SETD2: variants seen among roughly 807,000 people sequenced by gnomAD.
The protein encoded by SETD2 is SET domain containing 2, histone lysine methyltransferase.
Under a neutral mutation model 242.1 loss-of-function variants are expected in SETD2, and 31 were observed. The observed-to-expected ratio is 0.13, with a 90% CI of 0.10 to 0.17. The LOEUF is 0.17. Ranked by LOEUF, SETD2 falls within the 10% of genes least tolerant of loss-of-function variation. The pLI is 1.00. For missense variants in SETD2, 2,481 were observed against 3,046.3 expected (o/e 0.81, Z 4.37); for synonymous variants, 1,006 against 1,066.5 (o/e 0.94, Z 1.11).
At chr3:47,149,481 C>T (rs1390245083) in intron 1 of SETD2, among the ~76,000 whole-genome samples, 1 of 152,128 alleles carries the variant, frequency 6.6e-6, no homozygotes, top group Non-Finnish European at 1.5e-5. Flanking sequence ...TAGCACTCAG[C>T]AATTTACACT....
At chr3:47,098,992 C>A (rs941210518) in intron 8 of SETD2, among the ~76,000 whole-genome samples, 3 of 152,142 alleles carry the variant, frequency 2.0e-5, no homozygotes. Flanking sequence ...GAGCCCGACA[C>A]AGAACCTGGT....
chr3:47,111,626 T>C (rs934510070), intron 5 of SETD2, among the ~76,000 whole-genome samples: 64 of 151,960 alleles, frequency 4.2e-4, no homozygotes, highest in African/African-American at 1.5e-3. Context: ...TTTACAAAAC[T>C]TAGAGGAGAA....
rs2107494751 is a variant in SETD2, at chr3:47,019,803, G to T, written c.7388C>A (p.Ser2463Tyr). The T allele has an allele frequency of 6.2e-7, 1 of 1,613,998 alleles. No individual in the cohort carries two copies. Among genetic ancestry groups the T allele is most frequent in the Non-Finnish European group, 8.5e-7 (1 of 1,179,958 alleles). Residue 2463 changes from serine (S) to tyrosine (Y), a missense_variant, in exon 19 of 21, where the codon TCC becomes TAC. Ser to Tyr is a moderately radical substitution (Grantham distance 144). Coordinates refer to ENST00000409792, the MANE Select transcript of SETD2 (RefSeq NM_014159.7). ...TTTGCTTTTCTTTGCTAGTTCACTGGAGGTGTCTGCTTCTGCTGTCTTGGG... is the reference window on the plus strand; with the variant it reads ...TTTGCTTTTCTTTGCTAGTTCACTGTAGGTGTCTGCTTCTGCTGTCTTGGG... ...KKPKTAEADT[S>Y]SELAKKSKEV...
At chr3:47,153,999 C>A (rs917920266) in intron 1 of SETD2, among the ~76,000 whole-genome samples, 5 of 152,152 alleles carry the variant, frequency 3.3e-5, no homozygotes, top group African/African-American at 7.2e-5. Flanking sequence ...CCACGTAGCA[C>A]AATATGCCCT....
chr3:47,019,918 C>G, intron 18 of SETD2, 78 bp from the exon 19 acceptor site: 1 of 1,215,686 alleles, frequency 8.2e-7, no homozygotes, highest in Non-Finnish European at 1.2e-6. Flanking sequence ...CAGAACCCTC[C>G]TTTCTTTCCC....
chr3:47,044,793 T>C (rs954441906), intron 16 of SETD2, among the ~76,000 whole-genome samples: 1 of 152,202 alleles, frequency 6.6e-6, no homozygotes, highest in Non-Finnish European at 1.5e-5. Context: ...CAATTCTACA[T>C]GCCTAGTCCA....
rs1166081979 is a variant in SETD2 at position 47,123,289 on chromosome 3, T to C, written c.1347A>G (p.Pro449=). Residue 449 remains proline (P), a synonymous_variant, in exon 3 of 21, where the codon CCA becomes CCG. Coordinates refer to ENST00000409792, the MANE Select transcript of SETD2 (RefSeq NM_014159.7). ...PYRERTRYSR[P]YTDNRARESS... is the part of the protein sequence containing the mutation. The stretch of plus-strand genomic sequence containing the variant: ...TCTCTCGTGCTCTGTTATCTGTGTA[T>C]GGCCGAGAATAGCGCGTCCTCTCTC... 2 of 1,552,052 alleles carry C rather than the reference T, an allele frequency of 1.3e-6. No homozygotes were observed. Among genetic ancestry groups the C allele is most frequent in the Admixed American group, 2.0e-5 (1 of 51,022 alleles).
chr3:47,116,225 T>C lies in SETD2; in HGVS notation c.4586+398A>G, dbSNP rs79092251. 3.9e-4 allele frequency among the ~76,000 whole-genome samples: 59 copies of C among 152,216 alleles called. No individual in the cohort carries two copies. The East Asian group carries it at 0.011, about 28-fold the overall frequency. On this transcript the variant is annotated intron_variant, in intron 4 of 20. Transcript: ENST00000409792. ...GTTTTCTGGAAAAATGACAAAACAATGGGACTGATGTTTGGGAGAAGACAT... is the reference window on the plus strand; with the variant it reads ...GTTTTCTGGAAAAATGACAAAACAACGGGACTGATGTTTGGGAGAAGACAT...
chr3:47,089,955 A>G (rs190156543), intron 9 of SETD2, among the ~76,000 whole-genome samples: 39 of 152,306 alleles, frequency 2.6e-4, no homozygotes, highest in African/African-American at 9.1e-4. Flanking sequence ...ACCATACCAA[A>G]TAAAAGACTG....
rs141758878 is a variant in SETD2 at position 47,138,482 on chromosome 3, C to T, written c.72-11819G>A. Reference sequence around the variant, plus strand: ...TGTTGCCCAGGCTGAAGTGCAATGGCATGATCTCGGCTCACCACAACCTCC... The same window carrying T: ...TGTTGCCCAGGCTGAAGTGCAATGGTATGATCTCGGCTCACCACAACCTCC... On this transcript the variant is annotated intron_variant, in intron 1 of 20. Coordinates refer to ENST00000409792, the MANE Select transcript of SETD2 (RefSeq NM_014159.7). Among the ~76,000 whole-genome samples the T allele has an allele frequency of 4.4e-3, 663 of 152,116 alleles. 8 individuals are homozygous for T. Among genetic ancestry groups the T allele is most frequent in the African/African-American group, 0.015 (631 of 41,480 alleles).
chr3:47,096,101 T>C (rs928411287), intron 9 of SETD2, among the ~76,000 whole-genome samples: 1 of 152,084 alleles, frequency 6.6e-6, no homozygotes, highest in Non-Finnish European at 1.5e-5. Flanking sequence ...CACAAAACAA[T>C]ATGTTCTAAA....
chr3:47,124,366 A>T lies in SETD2; in HGVS notation c.270T>A (p.Thr90=), dbSNP rs1399578353. The T allele has an allele frequency of 6.4e-7, 1 of 1,551,802 alleles. No individual in the cohort carries two copies. The highest frequency in any genetic ancestry group is 1.4e-5 in the African/African-American group (1 of 73,050). Reference sequence around the variant, plus strand: ...CACTTTGCTTTTCATTGCCAAGTGCAGTGAGAAACCTATTCTGCAAAGTTT... The same window carrying T: ...CACTTTGCTTTTCATTGCCAAGTGCTGTGAGAAACCTATTCTGCAAAGTTT... ...TKKTLQNRFL[T]ALGNEKQSDT... Residue 90 remains threonine (T), a synonymous_variant, in exon 3 of 21, where the codon ACT becomes ACA. Transcript: ENST00000409792.
intron 17 of SETD2, among the ~76,000 whole-genome samples, chr3:47,040,238 C>T (rs1371105763): frequency 6.6e-6 from 1 of 152,110 alleles, no homozygotes; most frequent in Non-Finnish European, 1.5e-5. Context: ...CTTGGCCTCC[C>T]AAAGTGCTGG....
In SETD2 at chr3:47,121,387, T is replaced by G. The variant is rs80241480; in HGVS notation, c.3249A>C (p.Thr1083=). 2,434 of 1,610,008 alleles carry G rather than the reference T, an allele frequency of 1.5e-3. 38 individuals are homozygous for G. In the African/African-American group the frequency reaches 0.03, roughly 20 times the overall value. ...GACTGCTCCGAGAAGAACAAGGACT[T>G]GTTTCTTCCATGGGCAAAGTAGAAT... is the stretch of plus-strand genomic sequence containing the variant. ...PKNSTLPMEE[T]SPCSSRSSQS... is the part of the protein sequence containing the mutation. Residue 1083 remains threonine, a synonymous_variant, in exon 3 of 21, where the codon ACA becomes ACC. Transcript: ENST00000409792.
In SETD2 at chr3:47,076,738, T is replaced by A. The variant is rs548800859; in HGVS notation, c.6060+6982A>T. On this transcript the variant is annotated intron_variant, in intron 12 of 20. Coordinates refer to ENST00000409792, the MANE Select transcript of SETD2 (RefSeq NM_014159.7). The stretch of plus-strand genomic sequence containing the variant: ...TCAAAAGAAAAAAAAGTATTCCAAG[T>A]AAGGAGAACAGTATGTTCAAGGACA... Among the ~76,000 whole-genome samples, 4 of 152,174 alleles carry A rather than the reference T, an allele frequency of 2.6e-5. No homozygotes were observed. The East Asian group carries it at 7.7e-4, about 29-fold the overall frequency.
At chr3:47,062,460 A>G (rs188442969) in intron 13 of SETD2, 114 bp from the exon 14 acceptor site, 38 of 922,460 alleles carry the variant, frequency 4.1e-5, no homozygotes, top group Non-Finnish European at 4.3e-5. Context: ...CAACAAATGT[A>G]TCTATGGACT....
At chr3:47,033,721 G>A (rs1387180501) in intron 18 of SETD2, among the ~76,000 whole-genome samples, 2 of 141,058 alleles carry the variant, frequency 1.4e-5, no homozygotes, top group East Asian at 4.3e-4. Flanking sequence ...GAGTGCAGTG[G>A]TGCAATCTTG....
At chr3:47,045,211 C>T (rs763348646) in intron 16 of SETD2, among the ~76,000 whole-genome samples, 1 of 152,006 alleles carries the variant, frequency 6.6e-6, no homozygotes, top group Admixed American at 6.6e-5. Flanking sequence ...CATGGTGAAA[C>T]CCCGTATCTA....
chr3:47,051,055 T>C (rs1381745165), intron 15 of SETD2, among the ~76,000 whole-genome samples: 2 of 151,752 alleles, frequency 1.3e-5, no homozygotes, highest in African/African-American at 4.8e-5. Flanking sequence ...CCTCTACTCA[T>C]ACCATGTGCA....
Sources: allele counts gnomAD v4.1 joint callset (sites outside exome capture counted in the v4.1 genomes callset), GRCh38; gene constraint gnomAD v4.1.1; transcripts MANE v1.5; gene names NCBI Gene and HGNC (gene_info 2026-07-23, HGNC 2026-07-21).